Variants in MSI2 observed in about 807,000 individuals in gnomAD.
MSI2 encodes musashi RNA binding protein 2.
In MSI2, 17 loss-of-function variants were observed where a neutral mutation model predicts 45.6. That is an observed-to-expected ratio of 0.37 (90% CI 0.26 to 0.56). The LOEUF is 0.56. Ranked by LOEUF, MSI2 falls within the 20% of genes least tolerant of loss-of-function variation. MSI2 has a pLI of 0.77. For missense variants in MSI2, 293 were observed against 444.2 expected, an observed-to-expected ratio of 0.66 and a Z score of 3.06; for synonymous variants, 156 against 158.2, an observed-to-expected ratio of 0.99 and a Z score of 0.11.
intron 6 of MSI2, among the ~76,000 whole-genome samples, chr17:57,509,051 C>A (rs1329727025): frequency 6.6e-6 from 1 of 152,192 alleles, no homozygotes; most frequent in African/African-American, 2.4e-5. Context: ...GGCAGCCCTG[C>A]CTCCATCTTC....
intron 6 of MSI2, among the ~76,000 whole-genome samples, chr17:57,467,944 C>T (rs936209613): frequency 2.0e-5 from 3 of 148,274 alleles, no homozygotes; most frequent in Non-Finnish European, 4.4e-5. Flanking sequence ...AGTCCCCTGC[C>T]AGAGCCAGAT....
chr17:57,526,361 G>A (rs1567877888), intron 6 of MSI2, among the ~76,000 whole-genome samples: 1 of 53,682 alleles, frequency 1.9e-5, no homozygotes, highest in Non-Finnish European at 3.3e-5. Flanking sequence ...ACCTGGGTGT[G>A]TGTGTGTGTG....
intron 7 of MSI2, among the ~76,000 whole-genome samples, chr17:57,571,754 C>T (rs1270961444): frequency 6.6e-6 from 1 of 152,220 alleles, no homozygotes; most frequent in Non-Finnish European, 1.5e-5. Context: ...TTTGAGAGCA[C>T]ATCCAGACAC....
intron 5 of MSI2, among the ~76,000 whole-genome samples, chr17:57,262,816 G>T (rs1381673868): frequency 6.6e-6 from 1 of 152,212 alleles, no homozygotes; most frequent in Non-Finnish European, 1.5e-5. Context: ...CTTGCTTAAA[G>T]AATTGAGATA....
chr17:57,597,466 T>TA (rs35606406), intron 8 of MSI2, among the ~76,000 whole-genome samples: 919 of 87,102 alleles, frequency 0.011, 26 homozygotes, highest in South Asian at 0.03. Flanking sequence ...CCTCATCTCT[T>TA]AAAAAAAAAA....
At chr17:57,487,798 A>G (rs2085784433) in intron 6 of MSI2, among the ~76,000 whole-genome samples, 2 of 151,170 alleles carry the variant, frequency 1.3e-5, no homozygotes, top group Non-Finnish European at 2.9e-5. Flanking sequence ...GTGAACTCCC[A>G]TAGCCATCCC....
intron 12 of MSI2, 56 bp from the exon 13 acceptor site, chr17:57,676,931 G>T: frequency 9.0e-7 from 1 of 1,112,564 alleles, no homozygotes; most frequent in South Asian, 1.2e-5. Flanking sequence ...CCCAGAATAT[G>T]ACAATCTGTT....
At chr17:57,659,365 G>T (rs1911835915) in intron 11 of MSI2, among the ~76,000 whole-genome samples, 1 of 152,060 alleles carries the variant, frequency 6.6e-6, no homozygotes, top group African/African-American at 2.4e-5. Flanking sequence ...CAAAACACTG[G>T]AATTACAGGT....
At chr17:57,484,978 G>C (rs1485153471) in intron 6 of MSI2, among the ~76,000 whole-genome samples, 1 of 152,180 alleles carries the variant, frequency 6.6e-6, no homozygotes, top group Non-Finnish European at 1.5e-5. Context: ...CACAGGCAAG[G>C]CCCTCTGCCC....
intron 8 of MSI2, among the ~76,000 whole-genome samples, chr17:57,602,663 G>T (rs1906037578): frequency 6.6e-6 from 1 of 152,162 alleles, no homozygotes; most frequent in South Asian, 2.1e-4. Flanking sequence ...CTACACCCCT[G>T]CTTTAAATAG....
At chr17:57,637,893 A>G (rs1909959976) in intron 10 of MSI2, among the ~76,000 whole-genome samples, 2 of 152,098 alleles carry the variant, frequency 1.3e-5, no homozygotes, top group Admixed American at 1.3e-4. Context: ...TGCCCACCAG[A>G]TCTCATTTTC....
chr17:57,675,185 C>T, intron 12 of MSI2, 59 bp downstream of exon 12: 1 of 1,531,314 alleles, frequency 6.5e-7, no homozygotes, highest in South Asian at 1.2e-5. Flanking sequence ...CTCCTTGTGG[C>T]CTGTGGGTGT....
intron 5 of MSI2, among the ~76,000 whole-genome samples, chr17:57,372,794 C>T (rs949757660): frequency 4.6e-5 from 7 of 152,134 alleles, no homozygotes; most frequent in Non-Finnish European, 1.0e-4. Context: ...GTTTTCTTAC[C>T]TGGCAATCTG....
chr17:57,354,979 A>T (rs1220825809), intron 5 of MSI2, among the ~76,000 whole-genome samples: 1 of 152,200 alleles, frequency 6.6e-6, no homozygotes, highest in Admixed American at 6.5e-5. Context: ...TATTTTTAAG[A>T]TTGTCTTCTG....
At chr17:57,593,226 CT>C (rs1456186698) in intron 7 of MSI2, among the ~76,000 whole-genome samples, 1 of 152,186 alleles carries the variant, frequency 6.6e-6, no homozygotes, top group African/African-American at 2.4e-5. Flanking sequence ...TGCAGCCCCC[CT>C]GTGTGGGATA....
Position 57,537,981 on chromosome 17 carries a change from C to A in MSI2, c.454+8257C>A, listed in dbSNP as rs115956416. Among the ~76,000 whole-genome samples the A allele has an allele frequency of 4.7e-3, 709 of 152,248 alleles. 7 individuals carry two copies. Among genetic ancestry groups the A allele is most frequent in the African/African-American group, 0.016 (676 of 41,524 alleles). ...TCCTGCCTCCCCCTGCTGTGGCCCA[C>A]GGAAGCAGAAAGGGAGTGGGCTCAG... On this transcript the variant is annotated intron_variant, in intron 7 of 13. Transcript: ENST00000284073.
chr17:57,526,529 C>T (rs769068486), intron 6 of MSI2, among the ~76,000 whole-genome samples: 12 of 151,746 alleles, frequency 7.9e-5, no homozygotes, highest in Non-Finnish European at 1.3e-4. Flanking sequence ...TCACACAAGC[C>T]GCTTCTGTTT....
intron 8 of MSI2, among the ~76,000 whole-genome samples, chr17:57,615,310 T>C (rs1476807164): frequency 6.6e-6 from 1 of 151,902 alleles, no homozygotes; most frequent in East Asian, 1.9e-4. Context: ...TGTATTTTTT[T>C]AGTACAGACG....
intron 6 of MSI2, among the ~76,000 whole-genome samples, chr17:57,508,939 T>G (rs151142673): frequency 0.016 from 2,403 of 152,274 alleles, 33 homozygotes; most frequent in Non-Finnish European, 0.019. Context: ...AGTCCTAAAG[T>G]ACAGTGTCAT....
Sources: allele counts gnomAD v4.1 joint callset (sites outside exome capture counted in the v4.1 genomes callset), GRCh38; gene constraint gnomAD v4.1.1; transcripts MANE v1.5; gene names NCBI Gene and HGNC (gene_info 2026-07-23, HGNC 2026-07-21).